The following MYO16 variants were observed in gnomAD, a reference collection of about 807,000 sequenced individuals.
MYO16 encodes the protein myosin XVI.
A neutral mutation model predicts 205.3 loss-of-function variants in MYO16; 94 were observed. The observed-to-expected ratio is 0.46, with a 90% confidence interval of 0.39 to 0.54. The LOEUF (loss-of-function observed/expected upper bound fraction) is 0.54. Among genes scored for constraint, MYO16 ranks in the 20% least tolerant of loss-of-function variants. The pLI, the probability that MYO16 is intolerant of heterozygous loss-of-function variation, is 0.00. For missense variants in MYO16, 2,315 were observed against 2,387.5 expected (o/e 0.97, Z 0.63); for synonymous variants, 988 against 954.0 (o/e 1.04, Z -0.66).
intron 4 of MYO16, among the ~76,000 whole-genome samples, chr13:108,775,207 G>A (rs570176496): frequency 6.6e-6 from 1 of 152,056 alleles, no homozygotes; most frequent in African/African-American, 2.4e-5. Flanking sequence ...ATTTACTCAA[G>A]GAATCAATAT....
At chr13:108,657,156 A>G (rs1881281740) in intron 1 of MYO16, among the ~76,000 whole-genome samples, 1 of 152,224 alleles carries the variant, frequency 6.6e-6, no homozygotes, top group East Asian at 1.9e-4. Flanking sequence ...ATTTTTCTCA[A>G]TAGCTGTAAT....
At chr13:108,784,777 G>T (rs1886407746) in intron 4 of MYO16, among the ~76,000 whole-genome samples, 1 of 152,164 alleles carries the variant, frequency 6.6e-6, no homozygotes, top group Non-Finnish European at 1.5e-5. Context: ...GTTACTGGGA[G>T]GTGTGTGGGA....
At chr13:108,608,355 CCA>C (rs1879038641) in intron 1 of MYO16, among the ~76,000 whole-genome samples, 2 of 152,074 alleles carry the variant, frequency 1.3e-5, no homozygotes, top group Non-Finnish European at 2.9e-5. Context: ...TACGAGTGAC[CCA>C]TGCTGCACGC....
At chr13:109,009,630 CTAATA>C (rs1314802759) in intron 22 of MYO16, among the ~76,000 whole-genome samples, 1 of 152,148 alleles carries the variant, frequency 6.6e-6, no homozygotes, top group Non-Finnish European at 1.5e-5. Flanking sequence ...TTGCGATGTA[CTAATA>C]TAAGAAAACA....
intron 31 of MYO16, among the ~76,000 whole-genome samples, chr13:109,134,587 C>T (rs1442745487): frequency 6.6e-6 from 1 of 152,206 alleles, no homozygotes; most frequent in Non-Finnish European, 1.5e-5. Context: ...GGGTGTCTCT[C>T]TCTGTCTGTG....
intron 14 of MYO16, among the ~76,000 whole-genome samples, chr13:108,896,950 C>G (rs907482023): frequency 6.6e-6 from 1 of 151,956 alleles, no homozygotes; most frequent in Non-Finnish European, 1.5e-5. Context: ...GAGCCGAGAT[C>G]ACATCACTGC....
At chr13:108,553,799 TA>T in the MYO16 span, among the ~76,000 whole-genome samples, 59,458 of 152,026 alleles carry the variant, frequency 0.39, 12,763 homozygotes, top group East Asian at 0.56. Context: ...CGTGTCTTCT[TA>T]GCACAGCCTT....
rs770980812 is a variant in MYO16, at chr13:109,019,856, A to G, written c.2741A>G (p.Asn914Ser). The change falls in exon 23 of 35, where the codon AAT becomes AGT. Residue 914 changes from asparagine (N) to serine (S), a missense_variant. Physicochemically the swap from Asn to Ser is conservative, Grantham distance 46. Coordinates refer to ENST00000457511, the MANE Select transcript of MYO16 (RefSeq NM_001198950.3). ...TCCCCCATGAAGGATGGGAATGGGA[A>G]TGTTGCCCTCAAAGACCACGGTACA... ...VYSPMKDGNG[N>S]VALKDHGTAF... The G allele has an allele frequency of 5.0e-6, 8 of 1,614,038 alleles. No homozygotes were observed. Among genetic ancestry groups the G allele is most frequent in the Non-Finnish European group, 6.8e-6 (8 of 1,180,012 alleles).
chr13:108,977,128 A>G (rs1424770100), intron 20 of MYO16, among the ~76,000 whole-genome samples: 1 of 152,140 alleles, frequency 6.6e-6, no homozygotes, highest in African/African-American at 2.4e-5. Flanking sequence ...ACGCTATCCT[A>G]TGGTGTATTT....
intron 9 of MYO16, among the ~76,000 whole-genome samples, chr13:108,833,255 T>C (rs201276163): frequency 1.1e-4 from 16 of 145,636 alleles, no homozygotes; most frequent in Non-Finnish European, 2.3e-4. Flanking sequence ...CTTTAAATTG[T>C]AAAAAAAAAA....
intron 1 of MYO16, among the ~76,000 whole-genome samples, chr13:108,619,442 C>G (rs948651409): frequency 6.6e-6 from 1 of 152,174 alleles, no homozygotes; most frequent in African/African-American, 2.4e-5. Context: ...TTTCTTGACA[C>G]TTTCCTTCTC....
intron 27 of MYO16, among the ~76,000 whole-genome samples, chr13:109,082,876 G>A (rs555172235): frequency 6.6e-6 from 1 of 152,304 alleles, no homozygotes; most frequent in East Asian, 1.9e-4. Context: ...CAAGGTACCT[G>A]TGAGATGCTA....
At chr13:109,028,995 T>C (rs779046752) in intron 23 of MYO16, among the ~76,000 whole-genome samples, 9 of 152,122 alleles carry the variant, frequency 5.9e-5, no homozygotes, top group Non-Finnish European at 1.3e-4. Context: ...AGATTTATGC[T>C]GTTATGCAGG....
At chr13:108,612,673 C>T (rs140892622) in intron 1 of MYO16, among the ~76,000 whole-genome samples, 36 of 142,360 alleles carry the variant, frequency 2.5e-4, no homozygotes, top group East Asian at 1.2e-3. Flanking sequence ...AAGGGAGGCT[C>T]AGAGGAAGGG....
At chr13:108,745,302 G>C (rs928988473) in intron 4 of MYO16, among the ~76,000 whole-genome samples, 2 of 152,142 alleles carry the variant, frequency 1.3e-5, no homozygotes, top group Non-Finnish European at 2.9e-5. Flanking sequence ...AACCCTGGGG[G>C]CCACAGTCTT....
chr13:108,805,756 C>A (rs1028887378), intron 6 of MYO16, among the ~76,000 whole-genome samples: 3 of 151,766 alleles, frequency 2.0e-5, no homozygotes, highest in Admixed American at 6.6e-5. Context: ...GTTCCAAAGG[C>A]CTTATTTCTA....
chr13:108,561,480 A>G, the MYO16 span, among the ~76,000 whole-genome samples: 1 of 152,356 alleles, frequency 6.6e-6, no homozygotes, highest in South Asian at 2.1e-4. Flanking sequence ...ATAACTTTCT[A>G]ATAGTTACAT....
the MYO16 span, among the ~76,000 whole-genome samples, chr13:108,526,366 C>A: frequency 6.6e-6 from 1 of 152,188 alleles, no homozygotes; most frequent in Non-Finnish European, 1.5e-5. Context: ...GAGAAGAAAA[C>A]TTTCAGAGAG....
chr13:108,806,523 C>T (rs1470244655), intron 6 of MYO16, among the ~76,000 whole-genome samples, 156 bp from the exon 7 acceptor site: 2 of 152,232 alleles, frequency 1.3e-5, no homozygotes, highest in East Asian at 3.9e-4. Context: ...CCCATTTATA[C>T]CAAATAAATA....
Sources: allele counts gnomAD v4.1 joint callset (sites outside exome capture counted in the v4.1 genomes callset), GRCh38; gene constraint gnomAD v4.1.1; transcripts MANE v1.5; gene names NCBI Gene and HGNC (gene_info 2026-07-23, HGNC 2026-07-21).